Variants in LOXL2 observed in about 807,000 individuals in gnomAD.
LOXL2 encodes lysyl oxidase homolog 2.
LOXL2 carries 70 observed loss-of-function variants against 93.0 expected under a neutral mutation model. That is an observed-to-expected ratio of 0.75 (90% CI 0.62 to 0.92). The LOEUF is 0.92. Ranked by LOEUF, LOXL2 falls within the 40% of genes least tolerant of loss-of-function variation. The pLI, the probability that LOXL2 is intolerant of heterozygous loss-of-function variation, is 0.00. For missense variants in LOXL2, 973 were observed against 1,054.9 expected (o/e 0.92, Z 1.08); for synonymous variants, 438 against 413.2 (o/e 1.06, Z -0.73).
At chr8:23,389,574 T>C (rs1044337522) in intron 1 of LOXL2, among the ~76,000 whole-genome samples, 1 of 152,194 alleles carries the variant, frequency 6.6e-6, no homozygotes, top group Admixed American at 6.5e-5. Flanking sequence ...TAGCAACAAT[T>C]GTTTTTATTG....
At position 23,342,878 on chromosome 8, in the gene LOXL2, G is replaced by A. The variant is rs1195363600; in HGVS notation, c.532-1675C>T. 2.0e-5 allele frequency among the ~76,000 whole-genome samples: 3 copies of A among 152,114 alleles called. No homozygotes were observed. In the East Asian group the frequency reaches 5.8e-4, roughly 29 times the overall value. On this transcript the variant is annotated intron_variant, in intron 3 of 13. Coordinates refer to ENST00000389131, the MANE Select transcript of LOXL2 (RefSeq NM_002318.3). ...CGATCCTCCTGTTTCAGTCTCCCAA[G>A]TAGTTGGAAGTAGAGGTGTACATCA...
At chr8:23,346,182 T>TAAAAAAAA (rs1554479845) in intron 3 of LOXL2, among the ~76,000 whole-genome samples, 1 of 100,508 alleles carries the variant, frequency 9.9e-6, no homozygotes, top group African/African-American at 4.6e-5. Context: ...ATAAATAAAA[T>TAAAAAAAA]AATAAAATAA....
intron 9 of LOXL2, among the ~76,000 whole-genome samples, chr8:23,314,104 C>T (rs1299617215): frequency 1.3e-5 from 2 of 152,074 alleles, no homozygotes; most frequent in African/African-American, 4.8e-5. Context: ...TACCATCTCA[C>T]ACCAGTTAGA....
intron 9 of LOXL2, 86 bp from the exon 10 acceptor site, chr8:23,309,997 C>G (rs926626583): frequency 1.5e-6 from 2 of 1,359,212 alleles, no homozygotes; most frequent in African/African-American, 3.0e-5. Context: ...GACAAACCCC[C>G]TCTCCTGCCT....
In LOXL2 at chr8:23,303,268, C is replaced by T. The variant is rs1803169641; in HGVS notation, c.1996+14G>A. Reference sequence around the variant, plus strand: ...CCCTCTGAGGCCTCCCATCCCCCCACTCCGCTCAGATACCTCCTTCACATT... The same window carrying T: ...CCCTCTGAGGCCTCCCATCCCCCCATTCCGCTCAGATACCTCCTTCACATT... On this transcript the variant is annotated intron_variant, in intron 11 of 13. Transcript: ENST00000389131. The T allele has an allele frequency of 1.9e-6, 3 of 1,564,742 alleles. No individual in the cohort carries two copies. The highest frequency in any genetic ancestry group is 1.1e-5 in the South Asian group (1 of 90,068).
At chr8:23,369,328 C>G (rs989240326) in intron 1 of LOXL2, among the ~76,000 whole-genome samples, 1 of 152,076 alleles carries the variant, frequency 6.6e-6, no homozygotes, top group Non-Finnish European at 1.5e-5. Flanking sequence ...GTATCTTGGT[C>G]CTCCCGTAAT....
chr8:23,386,334 AG>A (rs1290070674), intron 1 of LOXL2, among the ~76,000 whole-genome samples: 1 of 152,236 alleles, frequency 6.6e-6, no homozygotes, highest in Non-Finnish European at 1.5e-5. Context: ...TGGAGGTTGC[AG>A]TGAGCTGAGC....
intron 3 of LOXL2, among the ~76,000 whole-genome samples, chr8:23,351,132 T>TTG (rs1804086779): frequency 6.6e-6 from 1 of 152,218 alleles, no homozygotes; most frequent in African/African-American, 2.4e-5. Context: ...ATGTCTAGTG[T>TTG]AGGGTCTGGT....
intron 9 of LOXL2, among the ~76,000 whole-genome samples, chr8:23,313,979 G>A (rs202243137): frequency 0.077 from 8,314 of 108,360 alleles, 687 homozygotes; most frequent in East Asian, 0.21. Flanking sequence ...AAAAGTGGGC[G>A]AAGGATATGA....
At position 23,319,848 on chromosome 8, in the gene LOXL2, G is replaced by A. The variant is rs757832753; in HGVS notation, c.1470+37C>T. ...GAAGACAGTGTGGTCAGACTGCATG[G>A]GGGGTGAATGCGGGGTCTGAGGCCG... On this transcript the variant is annotated intron_variant, in intron 8 of 13. Transcript: ENST00000389131. 3.7e-6 allele frequency: 6 copies of A among 1,603,036 alleles called. No homozygotes were observed. In the South Asian group the frequency reaches 5.5e-5, roughly 15 times the overall value.
chr8:23,323,671 TA>T (rs1554477343), intron 6 of LOXL2, among the ~76,000 whole-genome samples: 1 of 114,718 alleles, frequency 8.7e-6, no homozygotes, highest in South Asian at 2.3e-4. Context: ...CAATTAATTA[TA>T]ATATGTGTTT....
At chr8:23,341,917 A>C (rs4506222) in intron 3 of LOXL2, among the ~76,000 whole-genome samples, 3,637 of 152,228 alleles carry the variant, frequency 0.024, 148 homozygotes, top group East Asian at 0.13. Context: ...TGCAGCAAGG[A>C]AAGGAGACAC....
rs1436165025 is a variant in LOXL2, at chr8:23,297,155, G to A, written c.*888C>T. 6.6e-6 allele frequency: 1 copy of A among 152,192 alleles called. No individual in the cohort carries two copies. The highest frequency in any genetic ancestry group is 1.5e-5 in the Non-Finnish European group (1 of 68,034). 9.4% of individuals were successfully genotyped at this position (152,192 alleles called of 1,614,324 possible). On this transcript the variant is annotated 3_prime_UTR_variant, in exon 14 of 14. Coordinates refer to ENST00000389131, the MANE Select transcript of LOXL2 (RefSeq NM_002318.3). Reference sequence around the variant, plus strand: ...GCCTGCTGCTCAGGGCCCAGGTGCTGTGGGTCAAAGGAAACACAGACACGT... The same window carrying A: ...GCCTGCTGCTCAGGGCCCAGGTGCTATGGGTCAAAGGAAACACAGACACGT...
chr8:23,388,451 G>A (rs1804795429), intron 1 of LOXL2, among the ~76,000 whole-genome samples: 1 of 152,002 alleles, frequency 6.6e-6, no homozygotes, highest in African/African-American at 2.4e-5. Context: ...GGGCATGGTA[G>A]CAAATGCCTA....
At chr8:23,311,344 C>T (rs1040561908) in intron 9 of LOXL2, among the ~76,000 whole-genome samples, 12 of 152,150 alleles carry the variant, frequency 7.9e-5, no homozygotes, top group Admixed American at 3.3e-4. Flanking sequence ...GCACGGAAGC[C>T]GTAAATCAGG....
intron 6 of LOXL2, among the ~76,000 whole-genome samples, chr8:23,324,507 T>G (rs983199334): frequency 1.3e-5 from 2 of 152,174 alleles, no homozygotes; most frequent in Non-Finnish European, 2.9e-5. Context: ...CTTCAGCGTC[T>G]GGGTGTCTGT....
chr8:23,387,118 G>A (rs1356313295), intron 1 of LOXL2, among the ~76,000 whole-genome samples: 2 of 152,218 alleles, frequency 1.3e-5, no homozygotes, highest in African/African-American at 4.8e-5. Context: ...AAAAGCCAGA[G>A]ACTGCCAGGA....
intron 6 of LOXL2, among the ~76,000 whole-genome samples, chr8:23,324,948 A>G (rs534897295): frequency 6.6e-6 from 1 of 152,202 alleles, no homozygotes; most frequent in African/African-American, 2.4e-5. Flanking sequence ...GACTGCATGC[A>G]AAAGGGTTTT....
At chr8:23,384,818 G>A (rs1804734167) in intron 1 of LOXL2, among the ~76,000 whole-genome samples, 1 of 152,258 alleles carries the variant, frequency 6.6e-6, no homozygotes, top group African/African-American at 2.4e-5. Flanking sequence ...GGAGGCTGAG[G>A]CAGGAGAATC....
Sources: allele counts gnomAD v4.1 joint callset (sites outside exome capture counted in the v4.1 genomes callset), GRCh38; gene constraint gnomAD v4.1.1; transcripts MANE v1.5; gene names NCBI Gene and HGNC (gene_info 2026-07-23, HGNC 2026-07-21).